The following OPCML variants were observed in gnomAD, a reference collection of about 807,000 sequenced individuals.
The protein encoded by OPCML is opioid-binding protein/cell adhesion molecule.
Under a neutral mutation model 37.8 loss-of-function variants are expected in OPCML, and 13 were observed. The ratio of observed to expected loss-of-function variants is 0.34; its 90% CI spans 0.22 to 0.55. The LOEUF is 0.55. Ranked by LOEUF, OPCML falls within the 20% of genes least tolerant of loss-of-function variation. The pLI, the probability that OPCML is intolerant of heterozygous loss-of-function variation, is 0.91. For missense variants in OPCML, 341 were observed against 435.6 expected, an observed-to-expected ratio of 0.78 and a Z score of 1.93; for synonymous variants, 176 against 168.8, an observed-to-expected ratio of 1.04 and a Z score of -0.33.
intron 1 of OPCML, among the ~76,000 whole-genome samples, chr11:133,219,523 A>G (rs967636561): frequency 1.3e-5 from 2 of 152,240 alleles, no homozygotes; most frequent in African/African-American, 2.4e-5. Context: ...GAATTTTAGC[A>G]TGGATAAGAA....
At chr11:133,240,002 A>G (rs1415266497) in intron 1 of OPCML, among the ~76,000 whole-genome samples, 2 of 152,088 alleles carry the variant, frequency 1.3e-5, no homozygotes, top group Non-Finnish European at 2.9e-5. Flanking sequence ...GAGGGAAAAA[A>G]ATTTTCGATT....
intron 2 of OPCML, among the ~76,000 whole-genome samples, chr11:132,841,573 T>C (rs1201209860): frequency 6.6e-6 from 1 of 152,146 alleles, no homozygotes; most frequent in Non-Finnish European, 1.5e-5. Context: ...GCAACACCCA[T>C]GTTAACCATT....
intron 1 of OPCML, among the ~76,000 whole-genome samples, chr11:132,965,098 A>C (rs754372490): frequency 5.3e-5 from 8 of 152,270 alleles, no homozygotes; most frequent in Non-Finnish European, 1.0e-4. Context: ...GACACAGAGT[A>C]GGAAAATAAT....
chr11:133,326,470 GTGTA>G (rs562492806), intron 1 of OPCML, among the ~76,000 whole-genome samples: 22 of 130,294 alleles, frequency 1.7e-4, no homozygotes, highest in African/African-American at 6.5e-4. Flanking sequence ...TGGGGTGTGT[GTGTA>G]TGTGTATGAG....
chr11:133,376,381 T>C (rs929575722), intron 1 of OPCML, among the ~76,000 whole-genome samples: 3 of 152,278 alleles, frequency 2.0e-5, no homozygotes, highest in Admixed American at 6.5e-5. Flanking sequence ...TAGATAACTA[T>C]GATACAGACA....
chr11:133,155,161 G>A (rs1950039787), intron 1 of OPCML, among the ~76,000 whole-genome samples: 1 of 152,118 alleles, frequency 6.6e-6, no homozygotes, highest in African/African-American at 2.4e-5. Context: ...GTCTGTGAGA[G>A]GAGGGACTCT....
chr11:133,167,513 C>G (rs1164396919), intron 1 of OPCML, among the ~76,000 whole-genome samples: 1 of 145,576 alleles, frequency 6.9e-6, no homozygotes, highest in Admixed American at 6.8e-5. Context: ...GTTTCTTGTG[C>G]CAGCTTTCTT....
intron 1 of OPCML, among the ~76,000 whole-genome samples, chr11:133,450,331 G>T (rs1408210732): frequency 1.3e-5 from 2 of 151,580 alleles, no homozygotes; most frequent in Non-Finnish European, 2.9e-5. Flanking sequence ...ACAACCAGAT[G>T]CTAGAGTGAC....
intron 1 of OPCML, among the ~76,000 whole-genome samples, chr11:133,148,923 G>C (rs1299876847): frequency 6.6e-6 from 1 of 152,152 alleles, no homozygotes; most frequent in African/African-American, 2.4e-5. Context: ...TCAGGATTTA[G>C]GGTCCTGATT....
At chr11:133,375,560 G>A (rs1324430796) in intron 1 of OPCML, among the ~76,000 whole-genome samples, 1 of 152,158 alleles carries the variant, frequency 6.6e-6, no homozygotes, top group East Asian at 1.9e-4. Flanking sequence ...CAGGGTCTGG[G>A]ATCATGCCCT....
At chr11:132,502,514 T>C (rs2096247756) in intron 4 of OPCML, among the ~76,000 whole-genome samples, 1 of 152,140 alleles carries the variant, frequency 6.6e-6, no homozygotes, top group Non-Finnish European at 1.5e-5. Context: ...CCCTTCCTGG[T>C]TGCTTTCCTC....
intron 1 of OPCML, among the ~76,000 whole-genome samples, chr11:133,329,106 T>C (rs943781429): frequency 9.2e-5 from 14 of 152,084 alleles, no homozygotes; most frequent in Middle Eastern, 6.8e-3. Flanking sequence ...GAATAAAATA[T>C]CTAGGAATCC....
At chr11:133,201,439 G>T (rs1341876310) in intron 1 of OPCML, among the ~76,000 whole-genome samples, 1 of 151,890 alleles carries the variant, frequency 6.6e-6, no homozygotes, top group Non-Finnish European at 1.5e-5. Context: ...AAATCAAGAT[G>T]GTCAAACGTT....
intron 1 of OPCML, among the ~76,000 whole-genome samples, chr11:133,486,724 C>T (rs981824972): frequency 6.6e-6 from 1 of 152,070 alleles, no homozygotes; most frequent in Admixed American, 6.6e-5. Context: ...TGCCTCTTGC[C>T]GTCTCTACTC....
intron 1 of OPCML, among the ~76,000 whole-genome samples, chr11:133,219,535 C>T (rs1267195760): frequency 1.3e-5 from 2 of 152,234 alleles, no homozygotes; most frequent in African/African-American, 4.8e-5. Context: ...GGATAAGAAT[C>T]ATCCGGAGGG....
chr11:132,490,057 A>G (rs1189742045), intron 4 of OPCML, among the ~76,000 whole-genome samples: 1 of 152,064 alleles, frequency 6.6e-6, no homozygotes, highest in African/African-American at 2.4e-5. Flanking sequence ...TCCATGGTGT[A>G]TATGTGCCAC....
At chr11:133,157,227 A>T (rs1950074916) in intron 1 of OPCML, among the ~76,000 whole-genome samples, 1 of 152,214 alleles carries the variant, frequency 6.6e-6, no homozygotes, top group African/African-American at 2.4e-5. Flanking sequence ...GCAGGCTGTC[A>T]TCATTATGAA....
intron 1 of OPCML, among the ~76,000 whole-genome samples, chr11:133,139,912 C>T (rs1471937229): frequency 2.6e-5 from 4 of 152,092 alleles, no homozygotes; most frequent in African/African-American, 4.8e-5. Flanking sequence ...TGAGGCCAGG[C>T]GCGGTGGCTC....
intron 2 of OPCML, among the ~76,000 whole-genome samples, chr11:132,863,276 T>A (rs1014021620): frequency 6.6e-6 from 1 of 152,140 alleles, no homozygotes; most frequent in Admixed American, 6.6e-5. Flanking sequence ...ACAAGTATAG[T>A]TGCATGAATT....
Sources: gnomAD v4.1 joint callset for allele counts (sites outside exome capture counted in the v4.1 genomes callset) on GRCh38, gnomAD v4.1.1 for gene constraint, MANE v1.5 for transcripts, NCBI Gene and HGNC (gene_info 2026-07-23, HGNC 2026-07-21) for gene names.